The following RAB38 variants were observed in gnomAD, a reference collection of about 807,000 sequenced individuals.
RAB38 encodes the protein ras-related protein Rab-38.
In RAB38, 15 loss-of-function variants were observed where a neutral mutation model predicts 18.4. The observed-to-expected ratio is 0.82, with a 90% CI of 0.55 to 1.26. The LOEUF is 1.26. RAB38 is among the 50% of genes most tolerant of loss of function. The pLI is 0.00. For missense variants in RAB38, 294 were observed against 267.4 expected (o/e 1.10, Z -0.69); for synonymous variants, 101 against 104.4 (o/e 0.97, Z 0.20).
At chr11:88,032,927 C>T in the RAB38 span, among the ~76,000 whole-genome samples, 2 of 152,198 alleles carry the variant, frequency 1.3e-5, no homozygotes, top group African/African-American at 4.8e-5. Flanking sequence ...CACATGCACA[C>T]ATATGTTTAT....
chr11:88,040,464 C>A, the RAB38 span, among the ~76,000 whole-genome samples: 3 of 152,106 alleles, frequency 2.0e-5, no homozygotes. Flanking sequence ...ACCTGTAAAC[C>A]CAGCACTTTG....
chr11:88,157,361 C>G (rs1943139256), intron 1 of RAB38, among the ~76,000 whole-genome samples: 1 of 152,174 alleles, frequency 6.6e-6, no homozygotes. Context: ...ACTTCTAGAC[C>G]TCTGAAAAGA....
At chr11:88,082,578 C>T in the RAB38 span, among the ~76,000 whole-genome samples, 1 of 151,870 alleles carries the variant, frequency 6.6e-6, no homozygotes, top group Admixed American at 6.6e-5. Flanking sequence ...AAGAGCAACA[C>T]GACTATTCCA....
At chr11:87,877,194 T>A in the RAB38 span, among the ~76,000 whole-genome samples, 1 of 151,510 alleles carries the variant, frequency 6.6e-6, no homozygotes, top group Non-Finnish European at 1.5e-5. Context: ...ACACTGCTTC[T>A]TTTGCACTGA....
At chr11:88,101,530 C>T in the RAB38 span, among the ~76,000 whole-genome samples, 1 of 151,636 alleles carries the variant, frequency 6.6e-6, no homozygotes, top group African/African-American at 2.4e-5. Flanking sequence ...AAAATTAGGT[C>T]CCAAGACATC....
At chr11:88,126,598 G>A (rs371113956) in intron 2 of RAB38, among the ~76,000 whole-genome samples, 2 of 152,022 alleles carry the variant, frequency 1.3e-5, no homozygotes, top group Non-Finnish European at 2.9e-5. Context: ...TATACCTAAT[G>A]TAAATGATGA....
intron 1 of RAB38, among the ~76,000 whole-genome samples, chr11:88,152,843 A>C (rs1276226902): frequency 1.3e-5 from 2 of 152,238 alleles, no homozygotes; most frequent in Non-Finnish European, 2.9e-5. Context: ...AATGTGGCTA[A>C]AGCTCTATAC....
chr11:87,966,896 G>T, the RAB38 span, among the ~76,000 whole-genome samples: 1 of 152,190 alleles, frequency 6.6e-6, no homozygotes, highest in East Asian at 1.9e-4. Flanking sequence ...TCTCAAAAGA[G>T]AGGCTTATAA....
At chr11:88,006,883 G>C in the RAB38 span, among the ~76,000 whole-genome samples, 1 of 151,140 alleles carries the variant, frequency 6.6e-6, no homozygotes, top group Admixed American at 6.6e-5. Context: ...GTTAGAGATT[G>C]GTCAATGGGT....
the RAB38 span, among the ~76,000 whole-genome samples, chr11:87,969,344 C>T: frequency 6.6e-6 from 1 of 152,188 alleles, no homozygotes; most frequent in African/African-American, 2.4e-5. Flanking sequence ...CATATCCAAA[C>T]ATAACCTGAA....
chr11:88,111,831 CT>C, downstream of RAB38, among the ~76,000 whole-genome samples: 1 of 152,320 alleles, frequency 6.6e-6, no homozygotes, highest in African/African-American at 2.4e-5. Context: ...CTAGGCTCTC[CT>C]GGAGAACACA....
chr11:88,115,136 G>A (rs1942531590), intron 2 of RAB38, among the ~76,000 whole-genome samples: 1 of 152,170 alleles, frequency 6.6e-6, no homozygotes, highest in Non-Finnish European at 1.5e-5. Flanking sequence ...TACTACCAGT[G>A]TACTAAAATA....
the RAB38 span, among the ~76,000 whole-genome samples, chr11:87,953,860 T>A: frequency 3.6e-4 from 55 of 152,210 alleles, no homozygotes; most frequent in African/African-American, 1.3e-3. Flanking sequence ...TTAGTGTTTT[T>A]TTTTTTTTCC....
the RAB38 span, among the ~76,000 whole-genome samples, chr11:88,037,999 G>T: frequency 6.6e-6 from 1 of 152,128 alleles, no homozygotes; most frequent in African/African-American, 2.4e-5. Context: ...ATGTAATATA[G>T]TATTGTGTGT....
chr11:87,974,454 G>C, the RAB38 span, among the ~76,000 whole-genome samples: 2 of 151,586 alleles, frequency 1.3e-5, no homozygotes, highest in Admixed American at 1.3e-4. Context: ...GGCAAAATAA[G>C]ACTTTTTAGA....
chr11:87,891,676 A>T, the RAB38 span, among the ~76,000 whole-genome samples: 1 of 151,858 alleles, frequency 6.6e-6, no homozygotes, highest in African/African-American at 2.4e-5. Flanking sequence ...AGTTCAAATG[A>T]ATTACACCAA....
At chr11:87,812,047 C>A in the RAB38 span, among the ~76,000 whole-genome samples, 1 of 152,164 alleles carries the variant, frequency 6.6e-6, no homozygotes, top group African/African-American at 2.4e-5. Context: ...AGAGGTCATA[C>A]TATGAGCCTG....
chr11:88,088,713 T>C, the RAB38 span, among the ~76,000 whole-genome samples: 3 of 151,880 alleles, frequency 2.0e-5, no homozygotes, highest in African/African-American at 7.2e-5. Flanking sequence ...CAATTAAACA[T>C]TCTAGGCCAG....
the RAB38 span, among the ~76,000 whole-genome samples, chr11:87,806,572 A>C: frequency 3.2e-4 from 49 of 152,140 alleles, no homozygotes; most frequent in Admixed American, 5.9e-4. Context: ...CTATTATATC[A>C]ATGCCAGAAA....
Sources: allele counts gnomAD v4.1 joint callset (sites outside exome capture counted in the v4.1 genomes callset), GRCh38; gene constraint gnomAD v4.1.1; transcripts MANE v1.5; gene names NCBI Gene and HGNC (gene_info 2026-07-23, HGNC 2026-07-21).